PCDHA6: variants seen among roughly 807,000 people sequenced by gnomAD.
PCDHA6 encodes the protein protocadherin alpha 6, also known as protocadherin alpha-6.
PCDHA6 carries 55 observed loss-of-function variants against 60.3 expected under a neutral mutation model. The observed-to-expected ratio is 0.91, with a 90% confidence interval of 0.73 to 1.14. The LOEUF (loss-of-function observed/expected upper bound fraction) is 1.14. PCDHA6 is among the 50% of genes most tolerant of loss of function. The pLI is 0.00. For missense variants in PCDHA6, 1,327 were observed against 1,256.5 expected (o/e 1.06, Z -0.85); for synonymous variants, 652 against 557.9 (o/e 1.17, Z -2.38).
chr5:140,969,307 A>C (rs2096316993), intron 1 of PCDHA6: 1 of 1,614,192 alleles, frequency 6.2e-7, no homozygotes, highest in Non-Finnish European at 8.5e-7. Flanking sequence ...TTATTCTCAA[A>C]AATGAGGCTG....
chr5:140,840,467 A>G (rs1269068872), intron 1 of PCDHA6, among the ~76,000 whole-genome samples: 8 of 152,088 alleles, frequency 5.3e-5, no homozygotes, highest in East Asian at 1.9e-4. Flanking sequence ...AAAGTTGGGG[A>G]AAAAAGTTTA....
chr5:140,891,694 T>A (rs1302084074), intron 1 of PCDHA6, among the ~76,000 whole-genome samples: 1 of 152,236 alleles, frequency 6.6e-6, no homozygotes, highest in East Asian at 1.9e-4. Flanking sequence ...TTCTTGCTGT[T>A]GTCTGAATTT....
At chr5:140,937,954 G>A (rs1209058625) in intron 1 of PCDHA6, among the ~76,000 whole-genome samples, 2 of 151,226 alleles carry the variant, frequency 1.3e-5, no homozygotes, top group Non-Finnish European at 2.9e-5. Context: ...GGCTTTTGTT[G>A]AAAGTATATA....
intron 1 of PCDHA6, chr5:140,883,960 G>T (rs2059914384): frequency 3.1e-6 from 5 of 1,613,090 alleles, no homozygotes; most frequent in Non-Finnish European, 4.2e-6. Flanking sequence ...ACGCTCCGGC[G>T]CTGCTGACGC....
intron 1 of PCDHA6, chr5:140,877,047 C>A (rs372059660): frequency 3.3e-5 from 53 of 1,612,564 alleles, no homozygotes; most frequent in Non-Finnish European, 4.3e-5. Flanking sequence ...CGCTAGACCA[C>A]GAGGAGCTGG....
chr5:140,859,090 A>G (rs2045720842), intron 1 of PCDHA6: 1 of 150,172 alleles, frequency 6.7e-6, no homozygotes, highest in African/African-American at 2.4e-5. Context: ...GTCAGTGTGT[A>G]TTATTCACTT....
chr5:140,842,934 G>A (rs2150348030), intron 1 of PCDHA6: 3 of 1,594,530 alleles, frequency 1.9e-6, no homozygotes, highest in Non-Finnish European at 2.6e-6. Context: ...GTGAGCGCGC[G>A]CGACGCGGGC....
rs912184171 is a variant in PCDHA6 at position 140,852,142 on chromosome 5, T to G, written c.2394+21657T>G. 6 of 876,650 alleles carry G rather than the reference T, an allele frequency of 6.8e-6. No individual in the cohort carries two copies. In the African/African-American group the frequency reaches 1.1e-4, roughly 16 times the overall value. The allele number at this position is 876,650 out of a possible 1,614,324, so 54.3% of individuals were successfully genotyped here. ...TAATTAAAAACTCAGTAGAGAAAGA[T>G]CAGAATGGCCTTGAGAATAGAGCCA... On this transcript the variant is annotated intron_variant, in intron 1 of 3. Transcript: ENST00000529310.
chr5:140,937,219 T>A (rs555881657), intron 1 of PCDHA6, among the ~76,000 whole-genome samples: 4 of 151,838 alleles, frequency 2.6e-5, no homozygotes, highest in East Asian at 3.9e-4. Context: ...TTGTATTTTT[T>A]GTAGAGACGG....
chr5:140,906,893 GT>G (rs1191460812), intron 1 of PCDHA6, among the ~76,000 whole-genome samples: 7 of 152,170 alleles, frequency 4.6e-5, no homozygotes, highest in Admixed American at 6.5e-5. Context: ...TTCTTAGATT[GT>G]TGGTTTAAAG....
Position 141,010,120 on chromosome 5 carries a change from C to T in PCDHA6, c.*183C>T, listed in dbSNP as rs1554262685. 6.2e-7 allele frequency: 1 copy of T among 1,607,404 alleles called. No homozygotes were observed. Among genetic ancestry groups the T allele is most frequent in the Admixed American group, 1.7e-5 (1 of 58,482 alleles). ...AACAGGTTTTGTCGTAAAAGCTTTACTAAGTCTGGTGTTAACTCTTTCTCT... is the reference window on the plus strand; with the variant it reads ...AACAGGTTTTGTCGTAAAAGCTTTATTAAGTCTGGTGTTAACTCTTTCTCT... On this transcript the variant is annotated 3_prime_UTR_variant, in exon 4 of 4. Coordinates refer to ENST00000529310, the MANE Select transcript of PCDHA6 (RefSeq NM_018909.4).
intron 1 of PCDHA6, among the ~76,000 whole-genome samples, chr5:140,896,855 A>G (rs2065775013): frequency 6.6e-6 from 1 of 152,196 alleles, no homozygotes; most frequent in South Asian, 2.1e-4. Flanking sequence ...TTATGGGTAC[A>G]TAATAAGTGT....
rs1310560301 is a variant in PCDHA6, at chr5:140,838,419, C to T, written c.2394+7934C>T. On this transcript the variant is annotated intron_variant, in intron 1 of 3. Transcript: ENST00000529310. ...GATTACAGGAGTGAGCCACCGCATC[C>T]GGCCTAAATTATATATTGGGTTTTG... is the stretch of plus-strand genomic sequence containing the variant. Among the ~76,000 whole-genome samples, 7 of 151,450 alleles carry T rather than the reference C, an allele frequency of 4.6e-5. 1 individual carries two copies. The highest frequency in any genetic ancestry group is 2.1e-4 in the South Asian group (1 of 4,794).
intron 1 of PCDHA6, chr5:140,862,517 T>C (rs962060354): frequency 3.9e-5 from 16 of 410,600 alleles, no homozygotes; most frequent in African/African-American, 2.9e-4. Flanking sequence ...GCTTTCATTG[T>C]TGGCCACAGC....
At chr5:140,861,135 G>A (rs1182257816) in intron 1 of PCDHA6, 1 of 153,800 alleles carries the variant, frequency 6.5e-6, no homozygotes, top group East Asian at 1.9e-4. Context: ...AGACCACTTG[G>A]AACCTCAGGA....
intron 1 of PCDHA6, chr5:140,859,160 T>C (rs1554152196): frequency 6.7e-6 from 1 of 150,194 alleles, no homozygotes; most frequent in Non-Finnish European, 1.5e-5. Context: ...CTCTTCATTA[T>C]CTGCTCCTTT....
chr5:140,928,930 C>T, intron 1 of PCDHA6: 1 of 1,614,108 alleles, frequency 6.2e-7, no homozygotes, highest in Non-Finnish European at 8.5e-7. Context: ...GCTTTCTGCC[C>T]AGAACTTGTA....
At position 140,871,521 on chromosome 5, in the gene PCDHA6, C is replaced by T. The variant is rs1554165698; in HGVS notation, c.2394+41036C>T. 3.2e-6 allele frequency: 5 copies of T among 1,553,236 alleles called. No individual in the cohort carries two copies. In the Admixed American group the frequency reaches 1.0e-4, roughly 31 times the overall value. On this transcript the variant is annotated intron_variant, in intron 1 of 3. Transcript: ENST00000529310. ...TGAGTTTTCTACAGATTCCACCTAT[C>T]AGGAAGTGTATGTGAAATTATTTAA...
chr5:141,010,152 T>C lies in PCDHA6; in HGVS notation c.*215T>C. The C allele has an allele frequency of 1.3e-6, 2 of 1,575,858 alleles. No individual in the cohort carries two copies. The highest frequency in any genetic ancestry group is 1.7e-6 in the Non-Finnish European group (2 of 1,159,570). On this transcript the variant is annotated 3_prime_UTR_variant, in exon 4 of 4. Coordinates refer to ENST00000529310, the MANE Select transcript of PCDHA6 (RefSeq NM_018909.4). ...TGGTGTTAACTCTTTCTCTCCACTCTGGCTTGTTTTCAGAACCTAAAAAGC... is the reference window on the plus strand; with the variant it reads ...TGGTGTTAACTCTTTCTCTCCACTCCGGCTTGTTTTCAGAACCTAAAAAGC...
Sources: gnomAD v4.1 joint callset for allele counts (sites outside exome capture counted in the v4.1 genomes callset) on GRCh38, gnomAD v4.1.1 for gene constraint, MANE v1.5 for transcripts, NCBI Gene and HGNC (gene_info 2026-07-23, HGNC 2026-07-21) for gene names.